MSI2: variants seen among roughly 807,000 people sequenced by gnomAD.
MSI2 encodes musashi RNA binding protein 2, also known as RNA-binding protein Musashi homolog 2.
In MSI2, 17 loss-of-function variants were observed where a neutral mutation model predicts 45.6. The ratio of observed to expected loss-of-function variants is 0.37; its 90% CI spans 0.26 to 0.56. MSI2 has a LOEUF of 0.56. Among genes scored for constraint, MSI2 ranks in the 20% least tolerant of loss-of-function variants. The pLI, the probability that MSI2 is intolerant of heterozygous loss-of-function variation, is 0.77. For missense variants in MSI2, 293 were observed against 444.2 expected, an observed-to-expected ratio of 0.66 and a Z score of 3.06; for synonymous variants, 156 against 158.2, an observed-to-expected ratio of 0.99 and a Z score of 0.11.
At chr17:57,541,686 A>G (rs1399932133) in intron 7 of MSI2, among the ~76,000 whole-genome samples, 1 of 152,138 alleles carries the variant, frequency 6.6e-6, no homozygotes, top group Non-Finnish European at 1.5e-5. Flanking sequence ...CACAGCAGTA[A>G]TTGATCATTA....
chr17:57,515,053 C>T (rs1598353646), intron 6 of MSI2, among the ~76,000 whole-genome samples: 2 of 152,292 alleles, frequency 1.3e-5, no homozygotes, highest in Admixed American at 1.3e-4. Flanking sequence ...AAATGATTTT[C>T]CATACTTCAA....
chr17:57,420,888 A>G (rs1470271264), intron 6 of MSI2, among the ~76,000 whole-genome samples: 2 of 152,254 alleles, frequency 1.3e-5, no homozygotes, highest in African/African-American at 4.8e-5. Context: ...CCTGCAGTTC[A>G]GGCGCAGAGC....
At chr17:57,622,607 A>G (rs1255814018) in intron 9 of MSI2, among the ~76,000 whole-genome samples, 1 of 152,162 alleles carries the variant, frequency 6.6e-6, no homozygotes, top group East Asian at 1.9e-4. Flanking sequence ...CCCCGCGTGA[A>G]GTCCTGACTC....
At chr17:57,475,128 C>T (rs892709004) in intron 6 of MSI2, among the ~76,000 whole-genome samples, 1 of 152,190 alleles carries the variant, frequency 6.6e-6, no homozygotes, top group South Asian at 2.1e-4. Flanking sequence ...GTGTATTGAG[C>T]ATCTGTGGTA....
intron 6 of MSI2, among the ~76,000 whole-genome samples, chr17:57,485,061 A>G (rs1384429577): frequency 6.6e-6 from 1 of 152,228 alleles, no homozygotes; most frequent in Non-Finnish European, 1.5e-5. Context: ...TGCCTCGTGT[A>G]GAGCCCTTAG....
chr17:57,654,141 C>T (rs1393149408), intron 11 of MSI2, among the ~76,000 whole-genome samples: 3 of 152,214 alleles, frequency 2.0e-5, no homozygotes, highest in African/African-American at 7.2e-5. Context: ...GTGCCCGCCC[C>T]GCCCCACAGG....
At chr17:57,427,974 A>G (rs1598258290) in intron 6 of MSI2, among the ~76,000 whole-genome samples, 1 of 152,168 alleles carries the variant, frequency 6.6e-6, no homozygotes, top group Non-Finnish European at 1.5e-5. Flanking sequence ...TAGATTAGCT[A>G]TATAGACATA....
intron 11 of MSI2, among the ~76,000 whole-genome samples, chr17:57,671,074 T>G (rs1912739645): frequency 6.6e-6 from 1 of 152,024 alleles, no homozygotes; most frequent in African/African-American, 2.4e-5. Flanking sequence ...TCTCTGTGGG[T>G]GCCACCTTGA....
intron 1 of MSI2, 23 bp from the exon 2 acceptor site, chr17:57,257,075 T>C: frequency 6.3e-7 from 1 of 1,577,110 alleles, no homozygotes; most frequent in Non-Finnish European, 8.6e-7. Flanking sequence ...GGTGCTCACT[T>C]CTGTTATGTT....
chr17:57,551,405 G>A (rs1273981089), intron 7 of MSI2, among the ~76,000 whole-genome samples: 1 of 152,178 alleles, frequency 6.6e-6, no homozygotes, highest in African/African-American at 2.4e-5. Flanking sequence ...CCGGAGGGAG[G>A]GCGGAGGTCT....
intron 5 of MSI2, among the ~76,000 whole-genome samples, chr17:57,282,889 G>A (rs1457562971): frequency 1.5e-5 from 2 of 135,902 alleles, no homozygotes; most frequent in African/African-American, 5.4e-5. Context: ...CGTCAGGGCA[G>A]TTGAATGGCC....
intron 10 of MSI2, among the ~76,000 whole-genome samples, chr17:57,648,316 A>G (rs962692667): frequency 1.3e-5 from 2 of 152,156 alleles, no homozygotes; most frequent in African/African-American, 4.8e-5. Context: ...GCTCTCACTA[A>G]TTAAGCTAAC....
chr17:57,350,649 T>A (rs1234691118), intron 5 of MSI2, among the ~76,000 whole-genome samples: 1 of 152,110 alleles, frequency 6.6e-6, no homozygotes, highest in East Asian at 1.9e-4. Flanking sequence ...GCGCAGGGGA[T>A]CCCTGGCCCG....
At chr17:57,457,299 C>T (rs111641960) in intron 6 of MSI2, among the ~76,000 whole-genome samples, 4,294 of 152,178 alleles carry the variant, frequency 0.028, 201 homozygotes, top group African/African-American at 0.098. Flanking sequence ...CCCCTAGAGC[C>T]GTGTTTCCCC....
chr17:57,673,614 T>C (rs910344807), intron 11 of MSI2, among the ~76,000 whole-genome samples: 1 of 152,084 alleles, frequency 6.6e-6, no homozygotes, highest in African/African-American at 2.4e-5. Context: ...GAAAAGAAAA[T>C]AAAGTTTAAA....
chr17:57,595,455 C>T (rs748868469), intron 7 of MSI2, among the ~76,000 whole-genome samples: 9 of 151,988 alleles, frequency 5.9e-5, no homozygotes, highest in Non-Finnish European at 8.8e-5. Context: ...CTAAGAAAAA[C>T]GGTTTATTTC....
At chr17:57,314,415 G>T (rs1437197631) in intron 5 of MSI2, among the ~76,000 whole-genome samples, 4 of 152,114 alleles carry the variant, frequency 2.6e-5, no homozygotes, top group Non-Finnish European at 5.9e-5. Context: ...AAAGGGAAAG[G>T]TAGGGGTACA....
intron 7 of MSI2, among the ~76,000 whole-genome samples, chr17:57,549,261 T>TAGC (rs2087247485): frequency 1.3e-5 from 2 of 151,474 alleles, no homozygotes; most frequent in African/African-American, 4.9e-5. Context: ...GCTTGGTGCC[T>TAGC]AGCCTGCAGG....
intron 7 of MSI2, among the ~76,000 whole-genome samples, chr17:57,556,707 G>A (rs1036785143): frequency 6.6e-6 from 1 of 152,272 alleles, no homozygotes; most frequent in Middle Eastern, 3.4e-3. Flanking sequence ...AGAGGCTTGC[G>A]GCACTATGAC....
Sources: allele counts gnomAD v4.1 joint callset (sites outside exome capture counted in the v4.1 genomes callset), GRCh38; gene constraint gnomAD v4.1.1; transcripts MANE v1.5; gene names NCBI Gene and HGNC (gene_info 2026-07-23, HGNC 2026-07-21).